Variants in XKR9 observed in about 807,000 individuals in gnomAD.
XKR9 encodes XK-related protein 9.
XKR9 carries 32 observed loss-of-function variants against 32.0 expected under a neutral mutation model. The observed-to-expected ratio is 1.00, with a 90% CI of 0.76 to 1.34. The LOEUF (loss-of-function observed/expected upper bound fraction) is 1.34, where lower values mean the gene tolerates loss of function less well. Among genes scored for constraint, XKR9 ranks in the 40% most tolerant of loss-of-function variants. The pLI is 0.00. For synonymous variants in XKR9, 168 were observed against 143.4 expected, an observed-to-expected ratio of 1.17 and a Z score of -1.22; for missense variants, 546 against 429.7, an observed-to-expected ratio of 1.27 and a Z score of -2.39.
chr8:71,001,626 A>C, the XKR9 span, among the ~76,000 whole-genome samples: 1 of 152,156 alleles, frequency 6.6e-6, no homozygotes, highest in Admixed American at 6.5e-5. Context: ...TGCTTACTCA[A>C]GTGAATCTAC....
At chr8:70,789,280 G>A (rs1445647272) in intron 2 of XKR9, 2 of 151,950 alleles carry the variant, frequency 1.3e-5, no homozygotes, top group Admixed American at 6.6e-5. Flanking sequence ...AGGAGACCAC[G>A]AAGAATATGT....
In XKR9 at chr8:70,734,699, C is replaced by G. The variant is rs1806808159; in HGVS notation, c.*275C>G. 4.2e-6 allele frequency: 1 copy of G among 235,574 alleles called. No homozygotes were observed. Among genetic ancestry groups the G allele is most frequent in the Non-Finnish European group, 7.9e-6 (1 of 127,300 alleles). 14.6% of individuals were successfully genotyped at this position (235,574 alleles called of 1,614,324 possible). A position where few individuals can be genotyped will look rare whatever the true frequency, so the allele number is the denominator to read the frequency against. On this transcript the variant is annotated 3_prime_UTR_variant, in exon 5 of 5. Transcript: ENST00000408926. Reference sequence around the variant, plus strand: ...TGGTCTGGTTTTCATAATGAGAAGGCTGGAATTGAGCTTCCCTCCCATTTT... The same window carrying G: ...TGGTCTGGTTTTCATAATGAGAAGGGTGGAATTGAGCTTCCCTCCCATTTT...
the XKR9 span, among the ~76,000 whole-genome samples, chr8:70,895,898 C>T: frequency 6.6e-6 from 1 of 151,036 alleles, no homozygotes; most frequent in East Asian, 1.9e-4. Context: ...CCACTGGGGG[C>T]GGGCGGTGTT....
chr8:71,050,420 G>A, the XKR9 span, among the ~76,000 whole-genome samples: 1 of 151,808 alleles, frequency 6.6e-6, no homozygotes, highest in African/African-American at 2.4e-5. Flanking sequence ...AATCATATAT[G>A]AGGAAGATTA....
At chr8:70,757,809 A>T (rs1443630533) in intron 2 of XKR9, among the ~76,000 whole-genome samples, 2 of 151,884 alleles carry the variant, frequency 1.3e-5, no homozygotes, top group Non-Finnish European at 2.9e-5. Flanking sequence ...CTGGTCTCGA[A>T]CTCCTTACCT....
At chr8:70,763,221 A>C (rs1190552216) in intron 2 of XKR9, among the ~76,000 whole-genome samples, 1 of 152,216 alleles carries the variant, frequency 6.6e-6, no homozygotes, top group Non-Finnish European at 1.5e-5. Flanking sequence ...AGCTCAATAC[A>C]TCTGTGGGTA....
the XKR9 span, among the ~76,000 whole-genome samples, chr8:70,856,618 C>A: frequency 1.3e-5 from 2 of 152,086 alleles, no homozygotes; most frequent in Admixed American, 6.6e-5. Flanking sequence ...CTGCACCAAG[C>A]GGACCTAATA....
downstream of XKR9, among the ~76,000 whole-genome samples, chr8:70,791,088 G>T (rs530066247): frequency 2.2e-4 from 33 of 152,132 alleles, no homozygotes; most frequent in African/African-American, 7.2e-4. Context: ...AATTTCAGGG[G>T]TGAGATATAA....
chr8:70,897,585 A>G, the XKR9 span, among the ~76,000 whole-genome samples: 12,784 of 152,166 alleles, frequency 0.084, 611 homozygotes, highest in African/African-American at 0.098. Context: ...TTTAACTGGG[A>G]TGAGATGATA....
the XKR9 span, among the ~76,000 whole-genome samples, chr8:70,877,804 A>T: frequency 6.6e-5 from 10 of 152,304 alleles, no homozygotes; most frequent in Middle Eastern, 3.4e-3. Context: ...TTCAGGAAAT[A>T]CAGAGAACAC....
At chr8:70,845,924 T>G in the XKR9 span, among the ~76,000 whole-genome samples, 2 of 152,196 alleles carry the variant, frequency 1.3e-5, no homozygotes, top group East Asian at 3.9e-4. Flanking sequence ...TAGTAAAAGA[T>G]TTAGACATAC....
In XKR9 at chr8:70,681,278, A is replaced by T. The variant is rs778634748; in HGVS notation, c.220A>T (p.Ser74Cys). ...KADLKKAGQE[S>C]QHCFLLLHCL... ...TGATTTAAAGAAAGCAGGCCAAGAAAGTCAGCATTGTTTTCTTCTACTTCA... is the reference window on the plus strand; with the variant it reads ...TGATTTAAAGAAAGCAGGCCAAGAATGTCAGCATTGTTTTCTTCTACTTCA... The change falls in exon 3 of 5, where the codon AGT (serine) becomes TGT (cysteine). Residue 74 changes from serine (S) to cysteine (C), a missense_variant. Physicochemically the swap from Ser to Cys is moderately radical, Grantham distance 112. Coordinates refer to ENST00000408926, the MANE Select transcript of XKR9 (RefSeq NM_001011720.2). 1.2e-6 allele frequency: 2 copies of T among 1,613,414 alleles called. No individual in the cohort carries two copies. The highest frequency in any genetic ancestry group is 4.5e-5 in the East Asian group (2 of 44,796).
the XKR9 span, among the ~76,000 whole-genome samples, chr8:71,061,958 A>C: frequency 6.6e-6 from 1 of 152,212 alleles, no homozygotes; most frequent in Non-Finnish European, 1.5e-5. Flanking sequence ...CTTAGAGACA[A>C]AAGAAGCATT....
the XKR9 span, among the ~76,000 whole-genome samples, chr8:70,955,419 G>A: frequency 6.6e-6 from 1 of 152,138 alleles, no homozygotes; most frequent in African/African-American, 2.4e-5. Flanking sequence ...TTATATATTT[G>A]ATTTTCTCAT....
At chr8:71,005,225 C>T in the XKR9 span, among the ~76,000 whole-genome samples, 31 of 130,340 alleles carry the variant, frequency 2.4e-4, no homozygotes, top group African/African-American at 7.2e-4. Flanking sequence ...TTTTCTTTTT[C>T]TTTTTTTTTT....
At chr8:70,808,196 A>C in the XKR9 span, among the ~76,000 whole-genome samples, 1 of 152,186 alleles carries the variant, frequency 6.6e-6, no homozygotes, top group Non-Finnish European at 1.5e-5. Flanking sequence ...TAAGGCAACA[A>C]TCAAGAAGTT....
chr8:70,832,466 A>C, the XKR9 span, among the ~76,000 whole-genome samples: 1 of 152,222 alleles, frequency 6.6e-6, no homozygotes, highest in Non-Finnish European at 1.5e-5. Flanking sequence ...AAAAGATGAC[A>C]GAAGGGGAAG....
chr8:70,682,616 T>C (rs1586808945), intron 3 of XKR9, among the ~76,000 whole-genome samples: 1 of 152,130 alleles, frequency 6.6e-6, no homozygotes, highest in Non-Finnish European at 1.5e-5. Context: ...GCTTTTTCTC[T>C]AGTAGGCATT....
chr8:70,679,579 G>T (rs1442425572), intron 2 of XKR9, among the ~76,000 whole-genome samples: 7 of 152,182 alleles, frequency 4.6e-5, no homozygotes, highest in Admixed American at 4.6e-4. Flanking sequence ...GAGAGAGCAT[G>T]CCCCATCTAA....
Sources: allele counts gnomAD v4.1 joint callset (sites outside exome capture counted in the v4.1 genomes callset), GRCh38; gene constraint gnomAD v4.1.1; transcripts MANE v1.5; gene names NCBI Gene and HGNC (gene_info 2026-07-23, HGNC 2026-07-21).